RIN1: variants seen among roughly 807,000 people sequenced by gnomAD.
RIN1 encodes the protein ras inhibitor 1.
RIN1 carries 52 observed loss-of-function variants against 64.9 expected under a neutral mutation model. That is an observed-to-expected ratio of 0.80 (90% CI 0.64 to 1.01). RIN1 has a LOEUF of 1.01. RIN1 is among the 50% of genes least tolerant of loss of function. The pLI, the probability that RIN1 is intolerant of heterozygous loss-of-function variation, is 0.00. For missense variants in RIN1, 1,040 were observed against 1,064.5 expected (o/e 0.98, Z 0.32); for synonymous variants, 486 against 483.6 (o/e 1.00, Z -0.06).
chr11:66,336,020 G>A lies in RIN1; in HGVS notation c.225C>T (p.Asn75=), dbSNP rs150325830. The A allele has an allele frequency of 7.4e-4, 1,091 of 1,467,528 alleles. 16 individuals are homozygous for A. In the East Asian group the frequency reaches 0.017, roughly 23 times the overall value. The allele number at this position is 1,467,528 out of a possible 1,614,324, so 90.9% of individuals were successfully genotyped here. Residue 75 remains asparagine (N), a synonymous_variant, in exon 2 of 10, where the codon AAC becomes AAT. Transcript: ENST00000311320. ...TRPVWLQLQA[N]AAAALHMLRT... ...TCAGCATGTGCAGTGCGGCCGCTGC[G>A]TTGGCTTGCAGCTGCAGCCACACGG...
chr11:66,333,456 C>T (rs1405470756), intron 8 of RIN1, 47 bp from the exon 9 acceptor site: 3 of 1,604,724 alleles, frequency 1.9e-6, no homozygotes, highest in East Asian at 2.2e-5. Flanking sequence ...GTGTGGGGCA[C>T]CCCATCCCCT....
Position 66,332,166 on chromosome 11 carries a change from G to A in RIN1, c.*110C>T. ...TCCCTGGAAACAAGTATCAGACAAA[G>A]GTGGTGGCAGACACAGGACAGGGCC... On this transcript the variant is annotated 3_prime_UTR_variant, in exon 10 of 10. Transcript: ENST00000311320. The A allele has an allele frequency of 4.2e-6, 4 of 953,524 alleles. No homozygotes were observed. The highest frequency in any genetic ancestry group is 1.4e-5 in the South Asian group (1 of 70,308). 59.1% of individuals were successfully genotyped at this position (953,524 alleles called of 1,614,324 possible).
chr11:66,334,763 G>A lies in RIN1; in HGVS notation c.1036C>T (p.Leu346=). The change falls in exon 6 of 10, where the codon CTG becomes TTG. Residue 346 remains leucine (L), a synonymous_variant. Transcript: ENST00000311320. The stretch of plus-strand genomic sequence containing the variant: ...AAGGCGGCGCTCATGGACCGAAGCA[G>A]AGGTCGTCGGCGGCCCAGGTGGGGT... ...TSPHLGRRRP[L]LRSMSAAFCS... 1.3e-6 allele frequency: 2 copies of A among 1,549,346 alleles called. No individual in the cohort carries two copies. The highest frequency in any genetic ancestry group is 1.4e-5 in the African/African-American group (1 of 73,188).
Position 66,333,974 on chromosome 11 carries a change from G to A in RIN1, c.1536C>T (p.Val512=), listed in dbSNP as rs1051507263. The change falls in exon 7 of 10, where the codon GTC becomes GTT. Residue 512 remains valine (V), a synonymous_variant. Coordinates refer to ENST00000311320, the MANE Select transcript of RIN1 (RefSeq NM_004292.3). ...GCTTGCAGGCCTGCAGGAGCCGCTT[G>A]ACCTGGGCGCTGGGTGAGTAGGTGC... The part of the protein sequence containing the change: ...LLRTYSPSAQ[V]KRLLQACKLL... The A allele has an allele frequency of 2.6e-6, 4 of 1,560,458 alleles. No individual in the cohort carries two copies. In the African/African-American group the frequency reaches 5.4e-5, roughly 21 times the overall value.
chr11:66,333,770 C>T, intron 7 of RIN1, 112 bp from the exon 8 acceptor site: 10 of 1,451,214 alleles, frequency 6.9e-6, no homozygotes, highest in South Asian at 2.8e-5. Flanking sequence ...ATGCGCTCCT[C>T]TCTAGGCCTC....
Position 66,332,611 on chromosome 11 carries a change from G to T in RIN1, c.2017C>A (p.Leu673Ile). ...TAGCCCTGCTCCTTGTACAGGAAGA[G>T]GCCAAAAGTGTTGGGCTGGGTCACT... Reference protein sequence around the residue: ...FRVTQPNTFGLFLYKEQGYHR... With the variant: ...FRVTQPNTFGIFLYKEQGYHR... Residue 673 changes from leucine to isoleucine, a missense_variant, in exon 10 of 10, where the codon CTC becomes ATC. Coordinates refer to ENST00000311320, the MANE Select transcript of RIN1 (RefSeq NM_004292.3). 6.2e-7 allele frequency: 1 copy of T among 1,605,620 alleles called. No individual in the cohort carries two copies. The highest frequency in any genetic ancestry group is 8.5e-7 in the Non-Finnish European group (1 of 1,174,890).
chr11:66,332,404 T>C lies in RIN1; in HGVS notation c.2224A>G (p.Lys742Glu). 6.2e-7 allele frequency: 1 copy of C among 1,614,162 alleles called. No homozygotes were observed. The highest frequency in any genetic ancestry group is 8.5e-7 in the Non-Finnish European group (1 of 1,180,016). Reference protein sequence around the residue: ...GCQGDGDAGVKASPRDIREQS... With the variant: ...GCQGDGDAGVEASPRDIREQS... Reference sequence around the variant, plus strand: ...TCCCGAATGTCCCTGGGGCTGGCTTTGACCCCAGCATCCCCATCTCCCTGG... The same window carrying C: ...TCCCGAATGTCCCTGGGGCTGGCTTCGACCCCAGCATCCCCATCTCCCTGG... The change falls in exon 10 of 10, where the codon AAA (lysine) becomes GAA (glutamate). Residue 742 changes from lysine (K) to glutamate (E), a missense_variant. Lys to Glu is a moderately conservative substitution (Grantham distance 56). Transcript: ENST00000311320.
At chr11:66,333,731 C>G in intron 7 of RIN1, 73 bp from the exon 8 acceptor site, 1 of 1,535,734 alleles carries the variant, frequency 6.5e-7, no homozygotes, top group Non-Finnish European at 8.8e-7. Flanking sequence ...TCCCCATGCC[C>G]TAGCAACCAT....
chr11:66,333,865 G>C (rs1280053236), intron 7 of RIN1, 54 bp downstream of exon 7: 1 of 1,461,772 alleles, frequency 6.8e-7, no homozygotes, highest in Non-Finnish European at 9.1e-7. Flanking sequence ...CCGCTGGGGG[G>C]CCCGCCTCTG....
rs867808445 is a variant in RIN1, at chr11:66,334,622, C to T, written c.1177G>A (p.Gly393Arg). ...CCCTGCAGCTCCTGGGGCTCGGGCC[C>T]AGCCCGCACCTGGGTCAGTAGGTCC... is the stretch of plus-strand genomic sequence containing the variant. ...VQDLLTQVRA[G>R]PEPQELQGIR... is the part of the protein sequence containing the mutation. The change falls in exon 6 of 10, where the codon GGG becomes AGG. Residue 393 changes from glycine to arginine, a missense_variant. By Grantham distance (125) the Gly-to-Arg change is moderately radical. Coordinates refer to ENST00000311320, the MANE Select transcript of RIN1 (RefSeq NM_004292.3). 1 of 1,577,502 alleles carries T rather than the reference C, an allele frequency of 6.3e-7. No individual in the cohort carries two copies. The highest frequency in any genetic ancestry group is 1.2e-5 in the South Asian group (1 of 86,598).
chr11:66,333,511 GGT>G lies in RIN1; in HGVS notation c.1723+14_1723+15del. ...CAGGGCCCACCCAGACAGGGAGGTG[GGT>G]GGGGGTCCCTCACCCTCTCCAGTAA... On this transcript the variant is annotated intron_variant, in intron 8 of 9. Coordinates refer to ENST00000311320, the MANE Select transcript of RIN1 (RefSeq NM_004292.3). The G allele has an allele frequency of 6.2e-7, 1 of 1,612,280 alleles. No individual in the cohort carries two copies. The highest frequency in any genetic ancestry group is 8.5e-7 in the Non-Finnish European group (1 of 1,179,502).
At position 66,336,057 on chromosome 11, in the gene RIN1, AGCAGGCGCTCCC is replaced by A; in HGVS notation, c.176_187del (p.Arg59_Leu62del). The A allele has an allele frequency of 6.8e-7, 1 of 1,466,428 alleles. No individual in the cohort carries two copies. Among genetic ancestry groups the A allele is most frequent in the Non-Finnish European group, 9.0e-7 (1 of 1,109,476 alleles). The allele number at this position is 1,466,428 out of a possible 1,614,324, so 90.8% of individuals were successfully genotyped here. ...CTGCAGCCACACGGGCCGGGTGAGCAGCAGGCGCTCCCGCAGGCTCACAACGCGCCCCGGCCG... is the reference window on the plus strand; with the variant it reads ...CTGCAGCCACACGGGCCGGGTGAGCAGCAGGCTCACAACGCGCCCCGGCCG... On this transcript the variant is annotated inframe_deletion, in exon 2 of 10. Transcript: ENST00000311320.
At chr11:66,335,947 G>A in intron 2 of RIN1, 31 bp downstream of exon 2, 2 of 1,489,574 alleles carry the variant, frequency 1.3e-6, no homozygotes, top group South Asian at 1.4e-5. Flanking sequence ...CCCCTGGCTG[G>A]CCAGTCCCTG....
Position 66,333,944 on chromosome 11 carries a change from G to C in RIN1, c.1566C>G (p.Leu522=), listed in dbSNP as rs1388544315. The C allele has an allele frequency of 6.4e-7, 1 of 1,551,370 alleles. No individual in the cohort carries two copies. The stretch of plus-strand genomic sequence containing the variant: ...CTTCCTGGGTCCTCAGGGCCATGTA[G>C]AGCAGCTTGCAGGCCTGCAGGAGCC... ...VKRLLQACKL[L]YMALRTQEGE... Residue 522 remains leucine, a synonymous_variant, in exon 7 of 10, where the codon CTC becomes CTG. Transcript: ENST00000311320.
intron 9 of RIN1, 107 bp from the exon 10 acceptor site, chr11:66,332,859 G>A: frequency 1.1e-6 from 1 of 884,388 alleles, no homozygotes; most frequent in Non-Finnish European, 1.7e-6. Flanking sequence ...AGGGTGGGTA[G>A]GTGGAGATCC....
chr11:66,334,480 G>A (rs1434971996), intron 6 of RIN1, 34 bp downstream of exon 6: 13 of 1,588,470 alleles, frequency 8.2e-6, no homozygotes, highest in Non-Finnish European at 1.1e-5. Flanking sequence ...GTCGGATGGG[G>A]CAGTGCTGGA....
In RIN1 at chr11:66,336,064, G is replaced by A. The variant is rs527854146; in HGVS notation, c.181C>T (p.Arg61Cys). The A allele has an allele frequency of 8.9e-6, 13 of 1,460,872 alleles. No individual in the cohort carries two copies. Among genetic ancestry groups the A allele is most frequent in the African/African-American group, 2.8e-5 (2 of 70,430 alleles). 90.5% of individuals were successfully genotyped at this position (1,460,872 alleles called of 1,614,324 possible). The change falls in exon 2 of 10, where the codon CGC (arginine) becomes TGC (cysteine). Residue 61 changes from arginine (R) to cysteine (C), a missense_variant. Arg to Cys is a radical substitution (Grantham distance 180). Coordinates refer to ENST00000311320, the MANE Select transcript of RIN1 (RefSeq NM_004292.3). ...CACACGGGCCGGGTGAGCAGCAGGCGCTCCCGCAGGCTCACAACGCGCCCC... is the reference window on the plus strand; with the variant it reads ...CACACGGGCCGGGTGAGCAGCAGGCACTCCCGCAGGCTCACAACGCGCCCC... The part of the protein sequence containing the change: ...RPGRVVSLRE[R>C]LLLTRPVWLQ...
chr11:66,332,906 C>T (rs1214670569), intron 9 of RIN1, 154 bp from the exon 10 acceptor site: 28 of 660,294 alleles, frequency 4.2e-5, no homozygotes, highest in Non-Finnish European at 6.8e-5. Flanking sequence ...CTATGTGCTC[C>T]AGGGGTCGGC....
In RIN1 at chr11:66,334,066, A is replaced by G; in HGVS notation, c.1444T>C (p.Ser482Pro). 2.5e-6 allele frequency: 4 copies of G among 1,571,954 alleles called. No individual in the cohort carries two copies. Among genetic ancestry groups the G allele is most frequent in the Non-Finnish European group, 3.4e-6 (4 of 1,159,620 alleles). ...ACTGGGGAGGGCAGGCTCAGGTGGG[A>G]CCCGAAGGCTCCGGGGCCCTGGGCC... Reference protein sequence around the residue: ...ARAQGPGAFGSHLSLPSPVEL... With the variant: ...ARAQGPGAFGPHLSLPSPVEL... The change falls in exon 7 of 10, where the codon TCC becomes CCC. Residue 482 changes from serine to proline, a missense_variant. Coordinates refer to ENST00000311320, the MANE Select transcript of RIN1 (RefSeq NM_004292.3).
Sources: gnomAD v4.1 joint callset for allele counts on GRCh38, gnomAD v4.1.1 for gene constraint, MANE v1.5 for transcripts, NCBI Gene and HGNC (gene_info 2026-07-23, HGNC 2026-07-21) for gene names.